Variants in PLSCR4 observed in about 807,000 individuals in gnomAD.
PLSCR4 encodes the protein phospholipid scramblase 4.
In PLSCR4, 25 loss-of-function variants were observed where a neutral mutation model predicts 36.3. That is an observed-to-expected ratio of 0.69 (90% CI 0.50 to 0.96). PLSCR4 has a LOEUF of 0.96. PLSCR4 is among the 40% of genes least tolerant of loss of function. The pLI is 0.00. For synonymous variants in PLSCR4, 122 were observed against 132.9 expected (o/e 0.92, Z 0.56); for missense variants, 408 against 414.7 (o/e 0.98, Z 0.14).
chr3:146,224,535 T>C (rs1380072494), intron 1 of PLSCR4, among the ~76,000 whole-genome samples: 1 of 149,132 alleles, frequency 6.7e-6, no homozygotes, highest in African/African-American at 2.6e-5. Flanking sequence ...GGTGGGTTCG[T>C]GGTCTCGCTG....
intron 1 of PLSCR4, among the ~76,000 whole-genome samples, chr3:146,249,874 GTGT>G (rs1158948015): frequency 6.6e-6 from 1 of 151,912 alleles, no homozygotes; most frequent in Non-Finnish European, 1.5e-5. Flanking sequence ...TCTCAATTGT[GTGT>G]TATTTCATGC....
At chr3:146,204,870 C>G (rs2034239609) in intron 4 of PLSCR4, among the ~76,000 whole-genome samples, 1 of 152,020 alleles carries the variant, frequency 6.6e-6, no homozygotes, top group South Asian at 2.1e-4. Context: ...GATGTTTACT[C>G]TAGCACTTCA....
At chr3:146,226,801 G>T (rs970372708) in intron 1 of PLSCR4, among the ~76,000 whole-genome samples, 7 of 151,930 alleles carry the variant, frequency 4.6e-5, no homozygotes, top group African/African-American at 1.7e-4. Context: ...ATGATAACTT[G>T]AAAAAATAAA....
intron 7 of PLSCR4, among the ~76,000 whole-genome samples, chr3:146,195,760 C>T (rs966323078): frequency 1.3e-5 from 2 of 152,196 alleles, no homozygotes; most frequent in African/African-American, 4.8e-5. Flanking sequence ...AAACCTGGCA[C>T]TTGTCACAGG....
chr3:146,230,594 C>T (rs2035669352), intron 1 of PLSCR4, among the ~76,000 whole-genome samples: 1 of 151,964 alleles, frequency 6.6e-6, no homozygotes, highest in South Asian at 2.1e-4. Context: ...CTCTTTGTTG[C>T]TTGGACATGT....
rs763872206 is a variant in PLSCR4 at position 146,222,108 on chromosome 3, T to C, written c.-21-16A>G. 3 of 1,008,716 alleles carry C rather than the reference T, an allele frequency of 3.0e-6. No homozygotes were observed. The highest frequency in any genetic ancestry group is 1.7e-5 in the African/African-American group (1 of 58,900). The allele number at this position is 1,008,716 out of a possible 1,614,324, so 62.5% of individuals were successfully genotyped here. ...CCAATTAATCCTGAAAAATAAAAAA[T>C]GTTAATGCCTTTAAAATACATACAT... On this transcript the variant is annotated splice_polypyrimidine_tract_variant and intron_variant, in intron 1 of 8. Transcript: ENST00000354952.
chr3:146,224,099 T>C lies in PLSCR4; in HGVS notation c.-21-2007A>G, dbSNP rs77036446. ...GTTAAGGAAAATGACTACAGCTTTC[T>C]AGAAATTTAGACACTCCTAGTTATG... On this transcript the variant is annotated intron_variant, in intron 1 of 8. Coordinates refer to ENST00000354952, the MANE Select transcript of PLSCR4 (RefSeq NM_020353.3). 4.1e-3 allele frequency among the ~76,000 whole-genome samples: 617 copies of C among 152,048 alleles called. 2 individuals carry two copies. Among genetic ancestry groups the C allele is most frequent in the African/African-American group, 0.014 (589 of 41,500 alleles).
In PLSCR4 at chr3:146,224,475, T is replaced by C. The variant is rs1287300775; in HGVS notation, c.-21-2383A>G. Among the ~76,000 whole-genome samples the C allele has an allele frequency of 5.4e-5, 8 of 149,028 alleles. No homozygotes were observed. The East Asian group carries it at 9.7e-4, about 18-fold the overall frequency. On this transcript the variant is annotated intron_variant, in intron 1 of 8. Coordinates refer to ENST00000354952, the MANE Select transcript of PLSCR4 (RefSeq NM_020353.3). ...GTTACAGCTCTTAAGGTGGCGCATCTGGAGTTTGTTCCTTCTTATGTTCCG... is the reference window on the plus strand; with the variant it reads ...GTTACAGCTCTTAAGGTGGCGCATCCGGAGTTTGTTCCTTCTTATGTTCCG...
intron 1 of PLSCR4, among the ~76,000 whole-genome samples, chr3:146,238,816 T>G (rs1186046693): frequency 1.3e-5 from 2 of 152,114 alleles, no homozygotes; most frequent in Non-Finnish European, 1.5e-5. Flanking sequence ...AAAAAAGAAA[T>G]AAAGCCATCT....
intron 1 of PLSCR4, among the ~76,000 whole-genome samples, chr3:146,226,944 T>G (rs1177044789): frequency 6.6e-6 from 1 of 151,328 alleles, no homozygotes; most frequent in Non-Finnish European, 1.5e-5. Flanking sequence ...TCCTTTGAGC[T>G]GCTAGTATTT....
At chr3:146,227,836 G>A (rs1164902842) in intron 1 of PLSCR4, among the ~76,000 whole-genome samples, 1 of 152,196 alleles carries the variant, frequency 6.6e-6, no homozygotes, top group African/African-American at 2.4e-5. Flanking sequence ...AAAATAGCTC[G>A]CTCCTGCAAA....
intron 3 of PLSCR4, among the ~76,000 whole-genome samples, chr3:146,218,345 A>G (rs1211231441): frequency 2.0e-5 from 3 of 151,994 alleles, no homozygotes; most frequent in Non-Finnish European, 4.4e-5. Flanking sequence ...ATTAATCATT[A>G]TATCACTTCA....
intron 3 of PLSCR4, among the ~76,000 whole-genome samples, chr3:146,212,437 G>GT (rs56774201): frequency 0.94 from 134,883 of 143,566 alleles, 63,425 homozygotes; most frequent in African/African-American, 0.97. Context: ...TTTTTGTTTT[G>GT]TTTTTTTTTG....
intron 2 of PLSCR4, 97 bp downstream of exon 2, chr3:146,221,968 C>CAA (rs3840204): frequency 9.9e-4 from 553 of 558,358 alleles, no homozygotes; most frequent in South Asian, 1.4e-3. Flanking sequence ...AAATGTTAAA[C>CAA]AAAAAAAAAT....
intron 1 of PLSCR4, among the ~76,000 whole-genome samples, chr3:146,240,312 CTAAT>C (rs2036098621): frequency 6.6e-6 from 1 of 152,030 alleles, no homozygotes; most frequent in Non-Finnish European, 1.5e-5. Context: ...CGGATCAAAA[CTAAT>C]TAAGGCATTA....
chr3:146,211,638 T>C (rs1342569041), intron 3 of PLSCR4, among the ~76,000 whole-genome samples: 1 of 152,128 alleles, frequency 6.6e-6, no homozygotes, highest in East Asian at 1.9e-4. Flanking sequence ...AGGACATAAA[T>C]ACTTACATCT....
At chr3:146,248,096 CTGGT>C (rs1470597521) in intron 1 of PLSCR4, among the ~76,000 whole-genome samples, 1 of 152,020 alleles carries the variant, frequency 6.6e-6, no homozygotes, top group Non-Finnish European at 1.5e-5. Flanking sequence ...TAAAAGTTAA[CTGGT>C]TGTGAAATCC....
intron 3 of PLSCR4, among the ~76,000 whole-genome samples, chr3:146,208,597 G>T (rs2034460671): frequency 6.6e-6 from 1 of 152,198 alleles, no homozygotes; most frequent in East Asian, 1.9e-4. Flanking sequence ...CAAAAAGTGG[G>T]ATAAGGACAT....
chr3:146,234,548 T>A (rs1428519569), intron 1 of PLSCR4, among the ~76,000 whole-genome samples: 1 of 152,078 alleles, frequency 6.6e-6, no homozygotes, highest in Non-Finnish European at 1.5e-5. Flanking sequence ...CCTGTTCCCT[T>A]TTTTTTCTCT....
Sources: allele counts gnomAD v4.1 joint callset (sites outside exome capture counted in the v4.1 genomes callset), GRCh38; gene constraint gnomAD v4.1.1; transcripts MANE v1.5; gene names NCBI Gene and HGNC (gene_info 2026-07-23, HGNC 2026-07-21).